The following PLAAT1 variants were observed in gnomAD, a reference collection of about 807,000 sequenced individuals.
PLAAT1 encodes the protein phospholipase A and acyltransferase 1, also known as H-REV107 protein-related protein.
PLAAT1 carries 13 observed loss-of-function variants against 16.4 expected under a neutral mutation model. The observed-to-expected ratio is 0.79, with a 90% CI of 0.52 to 1.26. The LOEUF is 1.26. Ranked by LOEUF, PLAAT1 falls within the 50% of genes most tolerant of loss-of-function variation. The probability of loss-of-function intolerance (pLI) is 0.00; values close to 1 mark genes in which losing one functional copy is unlikely to be tolerated. For synonymous variants in PLAAT1, 73 were observed against 78.4 expected, an observed-to-expected ratio of 0.93 and a Z score of 0.36; for missense variants, 218 against 207.8, an observed-to-expected ratio of 1.05 and a Z score of -0.30.
intron 1 of PLAAT1, among the ~76,000 whole-genome samples, chr3:193,247,175 A>G (rs185820407): frequency 5.9e-5 from 9 of 152,236 alleles, no homozygotes; most frequent in East Asian, 5.8e-4. Context: ...GATCCTTTGT[A>G]TTTCTGGGAT....
At position 193,260,860 on chromosome 3, in the gene PLAAT1, G is replaced by A. The variant is rs575849809; in HGVS notation, c.140-2110G>A. On this transcript the variant is annotated intron_variant, in intron 2 of 3. Transcript: ENST00000264735. ...CCTATTACTGCATATATATCCAAAGGAAAATAAATTATTCTACCAAGAAGA... is the reference window on the plus strand; with the variant it reads ...CCTATTACTGCATATATATCCAAAGAAAAATAAATTATTCTACCAAGAAGA... 5.3e-5 allele frequency among the ~76,000 whole-genome samples: 8 copies of A among 152,144 alleles called. No homozygotes were observed. The South Asian group carries it at 1.7e-3, about 32-fold the overall frequency.
At chr3:193,274,657 A>G (rs1256444291), downstream of PLAAT1, 1 of 188,860 alleles carries the variant, frequency 5.3e-6, no homozygotes, top group Admixed American at 5.4e-5. Flanking sequence ...CAAAGATTTA[A>G]GTAAACTTGT....
At chr3:193,279,488 A>T (rs747082137), downstream of PLAAT1, 8 of 1,561,454 alleles carry the variant, frequency 5.1e-6, no homozygotes, top group South Asian at 8.9e-5. Context: ...TTTAGATGTT[A>T]AAAGAATGTT....
upstream of PLAAT1, chr3:193,241,108 T>C (rs1483391166): frequency 1.3e-4 from 101 of 802,644 alleles, no homozygotes; most frequent in African/African-American, 2.9e-3. Flanking sequence ...CGCGAGAAGG[T>C]GCAGTTCCCC....
At chr3:193,276,742 T>TA in intron 2 of PLAAT1, 1 of 1,569,928 alleles carries the variant, frequency 6.4e-7, no homozygotes, top group Non-Finnish European at 8.7e-7. Flanking sequence ...ATATAGAGAT[T>TA]ACTTTACCTC....
At chr3:193,260,662 C>T (rs905004956) in intron 2 of PLAAT1, among the ~76,000 whole-genome samples, 4 of 150,974 alleles carry the variant, frequency 2.6e-5, no homozygotes, top group Non-Finnish European at 5.9e-5. Context: ...TCACATCAGT[C>T]AGAATGGTGA....
intron 2 of PLAAT1, among the ~76,000 whole-genome samples, chr3:193,261,789 C>T (rs1716592988): frequency 6.6e-6 from 1 of 152,108 alleles, no homozygotes; most frequent in Non-Finnish European, 1.5e-5. Flanking sequence ...ATACATTTTC[C>T]AAGCCAGTTT....
rs569030246 is a variant in PLAAT1, at chr3:193,251,343, G to T, written c.1-4308G>T. The stretch of plus-strand genomic sequence containing the variant: ...GTTGTCCTTGTTTAGGCTTGAAGAG[G>T]TTTATTCTTTTTTTGCTATATAGGC... On this transcript the variant is annotated intron_variant, in intron 1 of 3. Coordinates refer to ENST00000264735, the MANE Select transcript of PLAAT1 (RefSeq NM_020386.5). Among the ~76,000 whole-genome samples, 99 of 152,260 alleles carry T rather than the reference G, an allele frequency of 6.5e-4. 2 individuals carry two copies. Among genetic ancestry groups the T allele is most frequent in the African/African-American group, 1.9e-3 (80 of 41,560 alleles).
At chr3:193,266,964 T>C (rs569494883) in intron 3 of PLAAT1, among the ~76,000 whole-genome samples, 1 of 152,160 alleles carries the variant, frequency 6.6e-6, no homozygotes, top group African/African-American at 2.4e-5. Flanking sequence ...TAAAAACTAG[T>C]AATGCATAAA....
At chr3:193,251,155 G>C (rs930792936) in intron 1 of PLAAT1, among the ~76,000 whole-genome samples, 1 of 152,272 alleles carries the variant, frequency 6.6e-6, no homozygotes. Flanking sequence ...GGCATGGAGA[G>C]ATCCCCCAGC....
At chr3:193,271,863 C>T (rs1323410266), downstream of PLAAT1, among the ~76,000 whole-genome samples, 6 of 152,192 alleles carry the variant, frequency 3.9e-5, no homozygotes, top group African/African-American at 1.4e-4. Context: ...AAATACTCAA[C>T]AAGCTAACTG....
At chr3:193,253,411 TA>T (rs1378391585) in intron 1 of PLAAT1, among the ~76,000 whole-genome samples, 1 of 152,146 alleles carries the variant, frequency 6.6e-6, no homozygotes, top group Non-Finnish European at 1.5e-5. Context: ...CATAAGGAAC[TA>T]AAATCCTACA....
At chr3:193,250,097 T>C (rs1716136340) in intron 1 of PLAAT1, among the ~76,000 whole-genome samples, 1 of 152,216 alleles carries the variant, frequency 6.6e-6, no homozygotes, top group Non-Finnish European at 1.5e-5. Flanking sequence ...AGAACCACCT[T>C]TCTCAGTCTT....
chr3:193,240,971 G>T (rs1010800596), upstream of PLAAT1, among the ~76,000 whole-genome samples: 1 of 152,170 alleles, frequency 6.6e-6, no homozygotes, highest in African/African-American at 2.4e-5. Flanking sequence ...TGCCCTAAAC[G>T]TTGGCTGCGG....
At chr3:193,274,923 T>TAC, downstream of PLAAT1, 1 of 1,395,682 alleles carries the variant, frequency 7.2e-7, no homozygotes, top group Middle Eastern at 2.4e-4. Context: ...ATTGAAAATA[T>TAC]ACTTTGAATG....
intron 3 of PLAAT1, among the ~76,000 whole-genome samples, chr3:193,263,794 G>A (rs1716677550): frequency 6.6e-6 from 1 of 152,036 alleles, no homozygotes; most frequent in Non-Finnish European, 1.5e-5. Context: ...TAGATTAATT[G>A]ACTTTATTTT....
chr3:193,270,496 G>A (rs1716948376), intron 3 of PLAAT1, 108 bp from the exon 4 acceptor site: 1 of 857,934 alleles, frequency 1.2e-6, no homozygotes, highest in Non-Finnish European at 1.8e-6. Context: ...TGTATCCATT[G>A]TACATTAAAA....
intron 2 of PLAAT1, 59 bp downstream of exon 2, chr3:193,255,848 G>A: frequency 7.3e-7 from 1 of 1,364,322 alleles, no homozygotes; most frequent in East Asian, 2.5e-5. Flanking sequence ...GTTACAGGAA[G>A]TAATCATGGG....
chr3:193,255,630 T>G, intron 1 of PLAAT1, 21 bp from the exon 2 acceptor site: 1 of 1,591,818 alleles, frequency 6.3e-7, no homozygotes, highest in South Asian at 1.1e-5. Context: ...AGCTAGCTCT[T>G]CTTTGTATTT....
Sources: allele counts gnomAD v4.1 joint callset (sites outside exome capture counted in the v4.1 genomes callset), GRCh38; gene constraint gnomAD v4.1.1; transcripts MANE v1.5; gene names NCBI Gene and HGNC (gene_info 2026-07-23, HGNC 2026-07-21).